Variants in RORA observed in about 807,000 individuals in gnomAD.
RORA encodes the protein nuclear receptor ROR-alpha.
A neutral mutation model predicts 69.5 loss-of-function variants in RORA; 7 were observed. That is an observed-to-expected ratio of 0.10 (90% CI 0.06 to 0.19). The LOEUF (loss-of-function observed/expected upper bound fraction) is 0.19. Ranked by LOEUF, RORA falls within the 10% of genes least tolerant of loss-of-function variation. The probability of loss-of-function intolerance (pLI) is 1.00; values close to 1 mark genes in which losing one functional copy is unlikely to be tolerated. For missense variants in RORA, 457 were observed against 663.0 expected (o/e 0.69, Z 3.41); for synonymous variants, 261 against 240.8 (o/e 1.08, Z -0.78).
intron 1 of RORA, among the ~76,000 whole-genome samples, chr15:60,910,998 G>C (rs186989128): frequency 4.1e-5 from 6 of 146,362 alleles, no homozygotes; most frequent in Admixed American, 4.1e-4. Context: ...CCGCCTTCCA[G>C]GTTCAATGAT....
intron 1 of RORA, among the ~76,000 whole-genome samples, chr15:60,864,334 C>A (rs2073463221): frequency 6.6e-6 from 1 of 152,152 alleles, no homozygotes; most frequent in Admixed American, 6.5e-5. Flanking sequence ...CTCAAATATT[C>A]TTTTTAAAAC....
At chr15:60,903,118 T>C (rs1015893669) in intron 1 of RORA, among the ~76,000 whole-genome samples, 2 of 152,160 alleles carry the variant, frequency 1.3e-5, no homozygotes, top group African/African-American at 4.8e-5. Flanking sequence ...GGCACTCCAG[T>C]GGTCAAGTCA....
At chr15:61,001,558 C>T (rs775011774) in intron 1 of RORA, among the ~76,000 whole-genome samples, 6 of 152,218 alleles carry the variant, frequency 3.9e-5, no homozygotes, top group Admixed American at 6.5e-5. Context: ...GAAGTCAAGA[C>T]GGCTGCCCAA....
intron 1 of RORA, among the ~76,000 whole-genome samples, chr15:60,975,740 A>G (rs899724306): frequency 2.6e-5 from 4 of 152,192 alleles, no homozygotes; most frequent in African/African-American, 9.7e-5. Context: ...TAACTGATAC[A>G]GTGTTAGGCT....
At chr15:60,543,854 G>A (rs2066984588) in intron 2 of RORA, among the ~76,000 whole-genome samples, 1 of 152,144 alleles carries the variant, frequency 6.6e-6, no homozygotes, top group African/African-American at 2.4e-5. Flanking sequence ...TATTCCTTTT[G>A]TTGTGTAACG....
At chr15:61,130,903 C>T (rs981400232) in intron 1 of RORA, among the ~76,000 whole-genome samples, 2 of 152,238 alleles carry the variant, frequency 1.3e-5, no homozygotes, top group Admixed American at 1.3e-4. Flanking sequence ...CATCTATCTT[C>T]ACAATTACTC....
intron 1 of RORA, among the ~76,000 whole-genome samples, chr15:61,187,017 A>C (rs1334006273): frequency 6.6e-6 from 1 of 152,224 alleles, no homozygotes; most frequent in East Asian, 1.9e-4. Flanking sequence ...GCTCTCTCTG[A>C]AATGCCAGTG....
chr15:60,847,172 T>C (rs2073275382), intron 1 of RORA, among the ~76,000 whole-genome samples: 1 of 152,188 alleles, frequency 6.6e-6, no homozygotes, highest in Admixed American at 6.5e-5. Flanking sequence ...ATGAGTTGAA[T>C]AAATGGCCCT....
chr15:60,656,727 C>T (rs901027748), intron 2 of RORA, among the ~76,000 whole-genome samples: 3 of 152,138 alleles, frequency 2.0e-5, no homozygotes, highest in African/African-American at 4.8e-5. Context: ...GCAGGTATCT[C>T]CCCGTCTGTC....
intron 1 of RORA, among the ~76,000 whole-genome samples, chr15:60,707,895 T>G (rs889778061): frequency 6.6e-6 from 1 of 152,224 alleles, no homozygotes. Flanking sequence ...GGGCACATAC[T>G]AAGTTCTTCC....
At chr15:60,586,730 T>TG (rs1422418491) in intron 2 of RORA, among the ~76,000 whole-genome samples, 1 of 152,166 alleles carries the variant, frequency 6.6e-6, no homozygotes, top group Non-Finnish European at 1.5e-5. Flanking sequence ...AGAAATATTG[T>TG]GGGCAGGGTC....
rs369636481 is a variant in RORA at position 60,504,636 on chromosome 15, G to A, written c.942+872C>T. On this transcript the variant is annotated intron_variant, in intron 6 of 10. Coordinates refer to ENST00000335670, the MANE Select transcript of RORA (RefSeq NM_134261.3). ...TCTAAAATCCTATTTCATATACTTT[G>A]TTGCTTCTTACTGTTTTCTTGCTTC... 4.6e-5 allele frequency among the ~76,000 whole-genome samples: 7 copies of A among 152,304 alleles called. No individual in the cohort carries two copies. In the East Asian group the frequency reaches 7.7e-4, roughly 17 times the overall value.
At chr15:61,163,613 C>T (rs975955741) in intron 1 of RORA, among the ~76,000 whole-genome samples, 41 of 152,274 alleles carry the variant, frequency 2.7e-4, no homozygotes, top group South Asian at 1.0e-3. Flanking sequence ...AGACCAGATA[C>T]GTGCCAAGCA....
At chr15:60,861,924 A>G (rs1457502509) in intron 1 of RORA, among the ~76,000 whole-genome samples, 1 of 152,210 alleles carries the variant, frequency 6.6e-6, no homozygotes, top group African/African-American at 2.4e-5. Context: ...GCTCTCCTCA[A>G]TAGGTATATT....
chr15:61,221,938 C>T (rs1340224465), intron 1 of RORA, among the ~76,000 whole-genome samples: 4 of 150,300 alleles, frequency 2.7e-5, no homozygotes, highest in African/African-American at 9.8e-5. Context: ...GGGAGGATCC[C>T]TTGAGCCCAT....
chr15:60,727,186 T>C (rs921293273), intron 1 of RORA, among the ~76,000 whole-genome samples: 2 of 152,188 alleles, frequency 1.3e-5, no homozygotes, highest in African/African-American at 4.8e-5. Flanking sequence ...TTTTTGTTGT[T>C]ATTGTTTTGT....
intron 1 of RORA, among the ~76,000 whole-genome samples, chr15:61,144,456 G>C (rs376245364): frequency 6.6e-6 from 1 of 152,230 alleles, no homozygotes; most frequent in African/African-American, 2.4e-5. Context: ...TGAGGACTGA[G>C]AACTTGGGTC....
intron 1 of RORA, among the ~76,000 whole-genome samples, chr15:60,958,655 G>A (rs1243212928): frequency 1.3e-5 from 2 of 152,276 alleles, no homozygotes; most frequent in South Asian, 2.1e-4. Flanking sequence ...AACCATTGTT[G>A]TGAATAATAA....
At chr15:61,215,061 T>G (rs1331742264) in intron 1 of RORA, among the ~76,000 whole-genome samples, 5 of 148,000 alleles carry the variant, frequency 3.4e-5, no homozygotes. Flanking sequence ...TTTTTTGTAT[T>G]TTAGGTAGAT....
Sources: allele counts gnomAD v4.1 joint callset (sites outside exome capture counted in the v4.1 genomes callset), GRCh38; gene constraint gnomAD v4.1.1; transcripts MANE v1.5; gene names NCBI Gene and HGNC (gene_info 2026-07-23, HGNC 2026-07-21).